Variants in EWSR1 observed in about 807,000 individuals in gnomAD.
EWSR1 encodes the protein EWS RNA binding protein 1, also known as RNA-binding protein EWS.
Under a neutral mutation model 92.1 loss-of-function variants are expected in EWSR1, and 14 were observed. That is an observed-to-expected ratio of 0.15 (90% CI 0.10 to 0.24). The LOEUF is 0.24. Ranked by LOEUF, EWSR1 falls within the 10% of genes least tolerant of loss-of-function variation. EWSR1 has a pLI of 1.00. For missense variants in EWSR1, 637 were observed against 870.9 expected, an observed-to-expected ratio of 0.73 and a Z score of 3.38; for synonymous variants, 303 against 292.9, an observed-to-expected ratio of 1.03 and a Z score of -0.35.
intron 14 of EWSR1, 31 bp downstream of exon 14, chr22:29,298,926 TA>T: frequency 6.6e-7 from 1 of 1,520,202 alleles, no homozygotes; most frequent in Non-Finnish European, 8.8e-7. Context: ...ATTGATACCC[TA>T]CGAGTGAAGC....
Position 29,299,860 on chromosome 22 carries a change from TGGTGAAAAGCA to T in EWSR1, c.1931+11_1931+21del. 6.5e-7 allele frequency: 1 copy of T among 1,536,558 alleles called. No homozygotes were observed. Among genetic ancestry groups the T allele is most frequent in the Non-Finnish European group, 8.8e-7 (1 of 1,140,124 alleles). ...CCTGGAAAAATGGATAAGTAAGTGC[TGGTGAAAAGCA>T]GCTGTGGGCCGCCAGGCACAGTAAG... On this transcript the variant is annotated intron_variant, in intron 16 of 16. Coordinates refer to ENST00000397938, the MANE Select transcript of EWSR1 (RefSeq NM_005243.4).
At chr22:29,268,406 G>A in intron 1 of EWSR1, 57 bp downstream of exon 1, 1 of 1,613,664 alleles carries the variant, frequency 6.2e-7, no homozygotes. Flanking sequence ...CAAACTGGGG[G>A]TCGTTCGTCT....
At chr22:29,270,987 G>A (rs1205397583) in intron 1 of EWSR1, among the ~76,000 whole-genome samples, 1 of 152,190 alleles carries the variant, frequency 6.6e-6, no homozygotes, top group African/African-American at 2.4e-5. Flanking sequence ...AAGTAGTCCA[G>A]TAAAGTACAG....
intron 6 of EWSR1, among the ~76,000 whole-genome samples, chr22:29,286,292 C>T (rs979926173): frequency 1.6e-4 from 24 of 150,978 alleles, no homozygotes; most frequent in Non-Finnish European, 1.5e-5. Flanking sequence ...GCTGGGATTA[C>T]AGGCATGAGC....
intron 14 of EWSR1, 159 bp from the exon 15 acceptor site, chr22:29,299,075 C>G: frequency 1.4e-6 from 2 of 1,441,680 alleles, no homozygotes; most frequent in South Asian, 2.6e-5. Flanking sequence ...ATTGATTTGA[C>G]CTGTCCTGTG....
At position 29,292,548 on chromosome 22, in the gene EWSR1, A is replaced by G. The variant is rs1434206964; in HGVS notation, c.1106A>G (p.Asn369Ser). 6.2e-7 allele frequency: 1 copy of G among 1,613,968 alleles called. No individual in the cohort carries two copies. Among genetic ancestry groups the G allele is most frequent in the Non-Finnish European group, 8.5e-7 (1 of 1,179,974 alleles). The part of the protein sequence containing the change: ...DNSAIYVQGL[N>S]DSVTLDDLAD... ...AGTGCAATTTATGTACAAGGATTAA[A>G]TGACAGTGTGACTCTAGATGATCTG... Residue 369 changes from asparagine (N) to serine (S), a missense_variant, in exon 11 of 17, where the codon AAT (asparagine) becomes AGT (serine). This residue lies in a region of EWSR1 where 363 missense variants were observed against 447.8 expected (regional missense o/e 0.81). Transcript: ENST00000397938.
intron 8 of EWSR1, chr22:29,289,614 CTA>C (rs1452860578): frequency 8.6e-6 from 2 of 231,688 alleles, no homozygotes; most frequent in African/African-American, 4.4e-5. Context: ...TGTTCTGTCC[CTA>C]TATAAACTGG....
intron 1 of EWSR1, among the ~76,000 whole-genome samples, chr22:29,271,305 A>G (rs2058666233): frequency 6.6e-6 from 1 of 152,228 alleles, no homozygotes; most frequent in Non-Finnish European, 1.5e-5. Flanking sequence ...TCTAACTTTA[A>G]TGCAGTAGCG....
At chr22:29,296,675 AAATAT>A (rs780670056) in intron 12 of EWSR1, among the ~76,000 whole-genome samples, 61 of 152,212 alleles carry the variant, frequency 4.0e-4, no homozygotes, top group Non-Finnish European at 7.6e-4. Flanking sequence ...GCATATAGAT[AAATAT>A]ATATATTTAA....
At chr22:29,290,395 C>T (rs376616898) in intron 8 of EWSR1, 38 of 1,594,208 alleles carry the variant, frequency 2.4e-5, no homozygotes, top group East Asian at 4.5e-5. Flanking sequence ...CATGCTTTGT[C>T]GCATTTATAT....
chr22:29,295,945 C>CAT, intron 11 of EWSR1: 1 of 354,548 alleles, frequency 2.8e-6, no homozygotes, highest in South Asian at 3.9e-5. Flanking sequence ...CAGTGGATAC[C>CAT]TGTCTGGGCA....
intron 6 of EWSR1, among the ~76,000 whole-genome samples, chr22:29,286,269 A>T (rs971232451): frequency 6.6e-6 from 1 of 152,000 alleles, no homozygotes; most frequent in African/African-American, 2.4e-5. Context: ...CCCCAGCCTC[A>T]GCCTTCCAAA....
chr22:29,274,718 C>T (rs2058965973), intron 4 of EWSR1, among the ~76,000 whole-genome samples: 1 of 151,496 alleles, frequency 6.6e-6, no homozygotes, highest in African/African-American at 2.4e-5. Context: ...TATTTTAATC[C>T]ATGGTATGTC....
In EWSR1 at chr22:29,287,332, C is replaced by T. The variant is rs368405297; in HGVS notation, c.793+198C>T. ...AAGCAATTCTCCTGCCCCAGCCTCC[C>T]GAGTAGCTGAGATGATAGGCGCCTG... On this transcript the variant is annotated intron_variant, in intron 7 of 16. Transcript: ENST00000397938. 1.1e-4 allele frequency among the ~76,000 whole-genome samples: 16 copies of T among 152,170 alleles called. No individual in the cohort carries two copies. The South Asian group carries it at 1.7e-3, about 16-fold the overall frequency.
chr22:29,288,545 A>C, intron 7 of EWSR1, 61 bp from the exon 8 acceptor site: 1 of 1,473,718 alleles, frequency 6.8e-7, no homozygotes, highest in South Asian at 1.4e-5. Context: ...TCCAGGAGAA[A>C]GTACATCAGG....
At position 29,297,927 on chromosome 22, in the gene EWSR1, C is replaced by G. The variant is rs2147786404; in HGVS notation, c.1395C>G (p.Gly465=). Reference sequence around the variant, plus strand: ...GTCTGCCACCCCGTGAGGGCAGAGGCATGCCACCACCACTCCGTGGAGGTA... The same window carrying G: ...GTCTGCCACCCCGTGAGGGCAGAGGGATGCCACCACCACTCCGTGGAGGTA... ...RGGLPPREGR[G]MPPPLRGGPG... The change falls in exon 13 of 17, where the codon GGC becomes GGG. Residue 465 remains glycine (G), a synonymous_variant. Transcript: ENST00000397938. The G allele has an allele frequency of 1.2e-6, 2 of 1,613,874 alleles. No individual in the cohort carries two copies. Among genetic ancestry groups the G allele is most frequent in the Non-Finnish European group, 1.7e-6 (2 of 1,179,904 alleles).
chr22:29,296,195 TTAGTA>T, intron 11 of EWSR1, 39 bp from the exon 12 acceptor site: 1 of 1,574,422 alleles, frequency 6.4e-7, no homozygotes, highest in African/African-American at 1.4e-5. Flanking sequence ...TTCTCCCAAA[TTAGTA>T]TATTCTAGTC....
intron 9 of EWSR1, 46 bp from the exon 10 acceptor site, chr22:29,292,091 A>C (rs1263474851): frequency 1.3e-6 from 2 of 1,574,672 alleles, no homozygotes; most frequent in African/African-American, 1.3e-5. Flanking sequence ...TGTAGCTTGC[A>C]AGACGTGCAC....
chr22:29,299,717 C>T lies in EWSR1; in HGVS notation c.1797C>T (p.Phe599=). 1 of 1,612,046 alleles carries T rather than the reference C, an allele frequency of 6.2e-7. No homozygotes were observed. Among genetic ancestry groups the T allele is most frequent in the African/African-American group, 1.3e-5 (1 of 74,930 alleles). ...RGGRGGDRGG[F]RGGRGMDRGG... is the part of the protein sequence containing the mutation. ...GCCGTGGTGGAGACAGAGGTGGCTT[C>T]CGTGGTGGCCGGGGCATGGACCGAG... The change falls in exon 16 of 17, where the codon TTC becomes TTT. Residue 599 remains phenylalanine (F), a synonymous_variant. Coordinates refer to ENST00000397938, the MANE Select transcript of EWSR1 (RefSeq NM_005243.4).
Sources: allele counts gnomAD v4.1 joint callset (sites outside exome capture counted in the v4.1 genomes callset), GRCh38; gene constraint gnomAD v4.1.1; regional missense constraint gnomAD v4.1.1; transcripts MANE v1.5; gene names NCBI Gene and HGNC (gene_info 2026-07-23, HGNC 2026-07-21).